The following MID2 variants were observed in gnomAD, a reference collection of about 807,000 sequenced individuals.
MID2 encodes the protein probable E3 ubiquitin-protein ligase MID2.
A neutral mutation model predicts 46.1 loss-of-function variants in MID2; 13 were observed. That is an observed-to-expected ratio of 0.28 (90% CI 0.18 to 0.45). MID2 has a LOEUF of 0.45. MID2 is among the 20% of genes least tolerant of loss of function. The pLI is 1.00. For synonymous variants in MID2, 199 were observed against 212.3 expected, an observed-to-expected ratio of 0.94 and a Z score of 0.55; for missense variants, 431 against 575.4, an observed-to-expected ratio of 0.75 and a Z score of 2.57.
At chrX:107,890,190 C>T (rs1053633566) in intron 3 of MID2, among the ~76,000 whole-genome samples, 6 of 112,238 alleles carry the variant, frequency 5.3e-5, no homozygotes, top group Non-Finnish European at 9.4e-5. Context: ...GGAGGAAAGG[C>T]GCTCTGATTT....
At chrX:107,867,405 C>T (rs1170012828) in intron 3 of MID2, among the ~76,000 whole-genome samples, 2 of 109,310 alleles carry the variant, frequency 1.8e-5, no homozygotes, top group Admixed American at 9.7e-5. Context: ...TTGTGATCCG[C>T]CCACCTCGGC....
chrX:107,838,895 C>G (rs1318687358), intron 1 of MID2, among the ~76,000 whole-genome samples: 1 of 111,594 alleles, frequency 9.0e-6, no homozygotes, highest in African/African-American at 3.3e-5. Flanking sequence ...TTGCTTGAGC[C>G]CAGGAGTTCA....
chrX:107,918,670 C>T (rs1240535071), intron 7 of MID2, among the ~76,000 whole-genome samples: 1 of 111,647 alleles, frequency 9.0e-6, no homozygotes, highest in Non-Finnish European at 1.9e-5. Flanking sequence ...GCAGCTCCAA[C>T]CTAAACCACT....
At chrX:107,894,826 TGA>T (rs1221543508) in intron 3 of MID2, 1 of 48,181 alleles carries the variant, frequency 2.1e-5, no homozygotes, top group Non-Finnish European at 3.9e-5. Flanking sequence ...CAGAGTGGGG[TGA>T]GTGTGTGTGT....
intron 5 of MID2, among the ~76,000 whole-genome samples, chrX:107,913,059 G>GAT (rs1932914729): frequency 9.0e-6 from 1 of 110,932 alleles, no homozygotes; most frequent in Non-Finnish European, 1.9e-5. Context: ...CAGACAGTCA[G>GAT]ATACACACAC....
intron 3 of MID2, among the ~76,000 whole-genome samples, chrX:107,885,069 G>A (rs942708076): frequency 1.9e-5 from 2 of 106,744 alleles, no homozygotes; most frequent in African/African-American, 7.0e-5. Context: ...ATCCCTTCCC[G>A]TTTTTGTTTT....
intron 3 of MID2, among the ~76,000 whole-genome samples, chrX:107,859,228 C>A (rs1931806019): frequency 8.9e-6 from 1 of 111,835 alleles, no homozygotes; most frequent in Non-Finnish European, 1.9e-5. Flanking sequence ...ATTTAAAAAA[C>A]ACTGCTATGG....
At chrX:107,910,685 G>T in intron 5 of MID2, among the ~76,000 whole-genome samples, 1 of 99,526 alleles carries the variant, frequency 1.0e-5, no homozygotes, top group African/African-American at 3.7e-5. Context: ...TTTAATAATA[G>T]CCATTACGAT....
In MID2 at chrX:107,923,052, A is replaced by T. The variant is rs760022250; in HGVS notation, c.1436-1291A>T. Among the ~76,000 whole-genome samples the T allele has an allele frequency of 2.0e-3, 223 of 112,080 alleles. 2 individuals carry two copies. The highest frequency in any genetic ancestry group is 3.4e-3 in the Non-Finnish European group (181 of 53,168). ...CAATTCTTCCTCCTCTTTCTCCTGC[A>T]TATCTGTTTGCCCTCCATCGTTTCT... On this transcript the variant is annotated intron_variant, in intron 7 of 9. Coordinates refer to ENST00000262843, the MANE Select transcript of MID2 (RefSeq NM_012216.4).
intron 3 of MID2, among the ~76,000 whole-genome samples, chrX:107,903,419 C>T: frequency 9.1e-6 from 1 of 110,156 alleles, no homozygotes; most frequent in Non-Finnish European, 1.9e-5. Flanking sequence ...CTGGACAGCC[C>T]AAGGTGAGAA....
chrX:107,870,777 C>T (rs1209588329), intron 3 of MID2, among the ~76,000 whole-genome samples: 1 of 94,420 alleles, frequency 1.1e-5, no homozygotes, highest in African/African-American at 4.4e-5. Context: ...TTTTTGAGAG[C>T]CAATTGTTAA....
At chrX:107,826,690 G>T (rs1245530614) in intron 1 of MID2, among the ~76,000 whole-genome samples, 1 of 113,129 alleles carries the variant, frequency 8.8e-6, no homozygotes, top group African/African-American at 3.2e-5. Flanking sequence ...GCACTCCGGG[G>T]TGCGGGGCGG....
In MID2 at chrX:107,828,280, C is replaced by CTCTTT. The variant is rs376051001; in HGVS notation, c.4+1866_4+1870dup. Among the ~76,000 whole-genome samples, 566 of 106,110 alleles carry CTCTTT rather than the reference C, an allele frequency of 5.3e-3. 5 individuals carry two copies. Among genetic ancestry groups the CTCTTT allele is most frequent in the African/African-American group, 0.019 (524 of 27,515 alleles). The allele number at this position is 106,110 out of a possible 115,157, so 92.1% of individuals were successfully genotyped here. Reference sequence around the variant, plus strand: ...CTGCAGAACCATGACCCAATTAAACCTCTTTTCTTTTCTTTTCTTTCTTTC... The same window carrying CTCTTT: ...CTGCAGAACCATGACCCAATTAAACCTCTTTTCTTTTCTTTTCTTTTCTTTCTTTC... On this transcript the variant is annotated intron_variant, in intron 1 of 9. Coordinates refer to ENST00000262843, the MANE Select transcript of MID2 (RefSeq NM_012216.4).
At position 107,851,853 on chromosome X, in the gene MID2, CTTTTTATT is replaced by C. The variant is rs1386991607; in HGVS notation, c.721-2754_721-2747del. On this transcript the variant is annotated intron_variant, in intron 2 of 9. Transcript: ENST00000262843. ...ATGCCATATATTTTATTTCTTTATA[CTTTTTATT>C]TATTTATTTATTTATTTATTTATTT... Among the ~76,000 whole-genome samples, 123 of 81,528 alleles carry C rather than the reference CTTTTTATT, an allele frequency of 1.5e-3. 2 individuals are homozygous for C. Among genetic ancestry groups the C allele is most frequent in the African/African-American group, 5.0e-3 (116 of 23,136 alleles). 70.8% of individuals were successfully genotyped at this position (81,528 alleles called of 115,157 possible).
intron 3 of MID2, among the ~76,000 whole-genome samples, chrX:107,901,948 T>C (rs946442378): frequency 3.6e-5 from 4 of 111,335 alleles, no homozygotes; most frequent in Non-Finnish European, 7.6e-5. Flanking sequence ...AGAATAAAGA[T>C]GGATGATTTG....
At chrX:107,853,951 A>G (rs2300105) in intron 2 of MID2, among the ~76,000 whole-genome samples, 33,343 of 110,364 alleles carry the variant, frequency 0.3, 7,004 homozygotes, top group African/African-American at 0.76. Flanking sequence ...CTACTTTGTG[A>G]GATTGTTATG....
intron 3 of MID2, among the ~76,000 whole-genome samples, chrX:107,879,180 A>C (rs1175041400): frequency 8.9e-6 from 1 of 111,819 alleles, no homozygotes; most frequent in African/African-American, 3.3e-5. Flanking sequence ...TGCCATCCAC[A>C]TATGGCTTAA....
intron 3 of MID2, among the ~76,000 whole-genome samples, chrX:107,891,209 C>T (rs750052043): frequency 1.1e-4 from 12 of 109,883 alleles, no homozygotes; most frequent in South Asian, 4.1e-4. Context: ...GCGTCACACA[C>T]GCTGGGAGCT....
At chrX:107,861,921 G>A (rs189848393) in intron 3 of MID2, among the ~76,000 whole-genome samples, 75 of 111,986 alleles carry the variant, frequency 6.7e-4, no homozygotes, top group South Asian at 7.6e-4. Flanking sequence ...TGGTATGTAC[G>A]TCCTGGGAGG....
Sources: allele counts gnomAD v4.1 joint callset (sites outside exome capture counted in the v4.1 genomes callset), GRCh38; gene constraint gnomAD v4.1.1; transcripts MANE v1.5; gene names NCBI Gene and HGNC (gene_info 2026-07-23, HGNC 2026-07-21).